KIFAP3: variants seen among roughly 807,000 people sequenced by gnomAD.
The protein encoded by KIFAP3 is kinesin-associated protein 3.
A neutral mutation model predicts 106.5 loss-of-function variants in KIFAP3; 68 were observed. The ratio of observed to expected loss-of-function variants is 0.64; its 90% CI spans 0.53 to 0.78. KIFAP3 has a LOEUF of 0.78. KIFAP3 is among the 30% of genes least tolerant of loss of function. The pLI is 0.00. For missense variants in KIFAP3, 780 were observed against 941.8 expected, an observed-to-expected ratio of 0.83 and a Z score of 2.25; for synonymous variants, 320 against 311.5, an observed-to-expected ratio of 1.03 and a Z score of -0.29.
chr1:169,958,657 A>C (rs913436174), intron 18 of KIFAP3, among the ~76,000 whole-genome samples: 3 of 152,216 alleles, frequency 2.0e-5, no homozygotes, highest in African/African-American at 7.2e-5. Flanking sequence ...TTCATATTCC[A>C]GTAATACATT....
In KIFAP3 at chr1:170,074,655, C is replaced by T. The variant is rs1671854048; in HGVS notation, c.-188G>A. The T allele has an allele frequency of 2.7e-6, 4 of 1,457,548 alleles. No individual in the cohort carries two copies. The highest frequency in any genetic ancestry group is 1.4e-5 in the South Asian group (1 of 72,304). The allele number at this position is 1,457,548 out of a possible 1,614,324, so 90.3% of individuals were successfully genotyped here. ...CCAGCTCCTCCCACAGCTTCTGTGC[C>T]CCAAAACACTGGAGCGGCCCAGACC... is the stretch of plus-strand genomic sequence containing the variant. On this transcript the variant is annotated 5_prime_UTR_variant, in exon 1 of 20. Transcript: ENST00000361580.
intron 11 of KIFAP3, among the ~76,000 whole-genome samples, chr1:169,991,425 A>G (rs903801894): frequency 6.6e-6 from 1 of 152,138 alleles, no homozygotes; most frequent in Non-Finnish European, 1.5e-5. Context: ...TAATAAACAC[A>G]GGAAAAAATG....
chr1:169,933,957 A>AT (rs1162697885), intron 19 of KIFAP3, among the ~76,000 whole-genome samples: 1 of 152,158 alleles, frequency 6.6e-6, no homozygotes, highest in Non-Finnish European at 1.5e-5. Context: ...TCTTTGTAAA[A>AT]TAAGAATAAT....
At chr1:170,030,631 A>G (rs1398148424) in intron 8 of KIFAP3, among the ~76,000 whole-genome samples, 5 of 151,886 alleles carry the variant, frequency 3.3e-5, no homozygotes, top group African/African-American at 4.8e-5. Context: ...GGAATAAACT[A>G]TTGATAAATG....
At chr1:169,998,439 A>AC (rs1667496274) in intron 10 of KIFAP3, among the ~76,000 whole-genome samples, 7 of 148,690 alleles carry the variant, frequency 4.7e-5, no homozygotes, top group African/African-American at 1.3e-4. Context: ...CACACACACC[A>AC]CACACACTTT....
chr1:170,041,893 A>C, intron 3 of KIFAP3: 1 of 1,359,028 alleles, frequency 7.4e-7, no homozygotes. Flanking sequence ...AGGAGAATAA[A>C]GGGCAACATT....
intron 1 of KIFAP3, among the ~76,000 whole-genome samples, chr1:170,061,805 C>T (rs953327209): frequency 1.3e-5 from 2 of 152,124 alleles, no homozygotes; most frequent in Non-Finnish European, 2.9e-5. Flanking sequence ...AAATGTGGCA[C>T]ATATACACCA....
chr1:169,981,256 G>T (rs1406997074), intron 15 of KIFAP3, among the ~76,000 whole-genome samples: 1 of 152,140 alleles, frequency 6.6e-6, no homozygotes, highest in Admixed American at 6.5e-5. Flanking sequence ...TAATTCATAA[G>T]TTTTAAATTA....
intron 3 of KIFAP3, among the ~76,000 whole-genome samples, chr1:170,044,375 G>A (rs1256373030): frequency 2.0e-5 from 3 of 152,160 alleles, no homozygotes; most frequent in Non-Finnish European, 2.9e-5. Flanking sequence ...AGAAGCTGGA[G>A]TGCTGGTAGG....
At position 169,995,082 on chromosome 1, in the gene KIFAP3, A is replaced by C. The variant is rs191680392; in HGVS notation, c.1184-2827T>G. 8.5e-5 allele frequency among the ~76,000 whole-genome samples: 13 copies of C among 152,220 alleles called. No homozygotes were observed. The East Asian group carries it at 2.5e-3, about 29-fold the overall frequency. On this transcript the variant is annotated intron_variant, in intron 10 of 19. Coordinates refer to ENST00000361580, the MANE Select transcript of KIFAP3 (RefSeq NM_014970.4). ...CTTAACCCCAACAATTTTGTCCTTG[A>C]GTTTGGAGCAATCTAAATATGTAAG...
intron 8 of KIFAP3, 24 bp from the exon 9 acceptor site, chr1:170,024,620 G>A: frequency 2.2e-6 from 3 of 1,374,850 alleles, no homozygotes; most frequent in Non-Finnish European, 2.0e-6. Flanking sequence ...ATATATGAGA[G>A]ATAAAGAATT....
At position 169,982,236 on chromosome 1, in the gene KIFAP3, T is replaced by G. The variant is rs183977756; in HGVS notation, c.1673-139A>C. ...TATGAATCCTTGATATGCTATAAATTTGTCCTTTTTCCAAATTTCCATGTT... is the reference window on the plus strand; with the variant it reads ...TATGAATCCTTGATATGCTATAAATGTGTCCTTTTTCCAAATTTCCATGTT... On this transcript the variant is annotated intron_variant, in intron 14 of 19. Coordinates refer to ENST00000361580, the MANE Select transcript of KIFAP3 (RefSeq NM_014970.4). 8.6e-4 allele frequency: 787 copies of G among 919,748 alleles called. 1 individual carries two copies. Among genetic ancestry groups the G allele is most frequent in the Non-Finnish European group, 1.2e-3 (750 of 622,284 alleles). The allele number at this position is 919,748 out of a possible 1,614,324, so 57.0% of individuals were successfully genotyped here.
intron 17 of KIFAP3, among the ~76,000 whole-genome samples, chr1:169,962,287 T>C (rs894168234): frequency 4.6e-5 from 7 of 152,312 alleles, no homozygotes; most frequent in African/African-American, 1.7e-4. Flanking sequence ...GTAACACTTG[T>C]CAGAAAGAAA....
At chr1:169,939,516 C>A (rs547465298) in intron 19 of KIFAP3, among the ~76,000 whole-genome samples, 1 of 152,206 alleles carries the variant, frequency 6.6e-6, no homozygotes, top group African/African-American at 2.4e-5. Context: ...GCTGAGAGGA[C>A]AAGTCTAAGC....
upstream of KIFAP3, among the ~76,000 whole-genome samples, chr1:170,077,271 G>T (rs187689383): frequency 1.6e-3 from 238 of 152,304 alleles, no homozygotes; most frequent in South Asian, 3.5e-3. Context: ...AAGTTGAATA[G>T]GCACATACTC....
At chr1:169,989,012 T>C (rs1383598944) in intron 11 of KIFAP3, among the ~76,000 whole-genome samples, 1 of 151,980 alleles carries the variant, frequency 6.6e-6, no homozygotes, top group Non-Finnish European at 1.5e-5. Context: ...TTGGGAAATA[T>C]TGTTCACAAA....
intron 1 of KIFAP3, chr1:170,068,333 G>A (rs1475922319): frequency 1.3e-5 from 2 of 151,878 alleles, no homozygotes; most frequent in Non-Finnish European, 2.9e-5. Flanking sequence ...AGAAAAAGGA[G>A]AAACACAATG....
intron 10 of KIFAP3, among the ~76,000 whole-genome samples, chr1:170,012,597 C>CTGGGTAGGA (rs1422796091): frequency 6.6e-6 from 1 of 152,064 alleles, no homozygotes; most frequent in Non-Finnish European, 1.5e-5. Context: ...CCCCAAAATT[C>CTGGGTAGGA]TTATGTTGAA....
chr1:169,923,902 C>T (rs988638170), intron 19 of KIFAP3, among the ~76,000 whole-genome samples: 1 of 152,158 alleles, frequency 6.6e-6, no homozygotes, highest in Non-Finnish European at 1.5e-5. Flanking sequence ...AATATCTGGC[C>T]TTTTTGCAGT....
Sources: allele counts gnomAD v4.1 joint callset (sites outside exome capture counted in the v4.1 genomes callset), GRCh38; gene constraint gnomAD v4.1.1; transcripts MANE v1.5; gene names NCBI Gene and HGNC (gene_info 2026-07-23, HGNC 2026-07-21).